POT1: variants seen among roughly 807,000 people sequenced by gnomAD.
POT1 encodes protection of telomeres 1.
POT1 carries 47 observed loss-of-function variants against 78.5 expected under a neutral mutation model. That is an observed-to-expected ratio of 0.60 (90% confidence interval 0.47 to 0.76). The LOEUF (loss-of-function observed/expected upper bound fraction) is 0.76, where lower values mean the gene tolerates loss of function less well. Among genes scored for constraint, POT1 ranks in the 30% least tolerant of loss-of-function variants. The pLI is 0.00. For missense variants in POT1, 646 were observed against 749.9 expected (o/e 0.86, Z 1.62); for synonymous variants, 259 against 260.7 (o/e 0.99, Z 0.06).
At chr7:124,900,968 T>C (rs7801755) in intron 3 of POT1, 55,060 of 188,468 alleles carry the variant, frequency 0.29, 8,436 homozygotes, top group African/African-American at 0.34. Flanking sequence ...CCACCATTGC[T>C]GAGGCTTGAC....
Position 124,870,933 on chromosome 7 carries a change from A to G in POT1, c.233T>C (p.Ile78Thr), listed in dbSNP as rs947005337. ...TACCTTCAGCCTGTGAAAGCGAACA[A>G]TATCTCCATTTTTATAAATTATTGG... ...ALPIIYKNGD[I>T]VRFHRLKIQV... Residue 78 changes from isoleucine to threonine, a missense_variant, in exon 7 of 19, where the codon ATT (isoleucine) becomes ACT (threonine). This residue lies in a region of POT1 where 252 missense variants were observed against 341.4 expected (regional missense o/e 0.74). Coordinates refer to ENST00000357628, the MANE Select transcript of POT1 (RefSeq NM_015450.3). The G allele has an allele frequency of 8.7e-6, 14 of 1,607,628 alleles. No individual in the cohort carries two copies. The highest frequency in any genetic ancestry group is 3.4e-6 in the Non-Finnish European group (4 of 1,176,764).
intron 5 of POT1, chr7:124,892,883 T>A (rs1251107485): frequency 2.0e-5 from 3 of 151,556 alleles, no homozygotes; most frequent in South Asian, 2.1e-4. Flanking sequence ...ATACTTTTTT[T>A]TAAATATGTA....
At chr7:124,875,227 G>A (rs1795961067) in intron 6 of POT1, among the ~76,000 whole-genome samples, 1 of 151,966 alleles carries the variant, frequency 6.6e-6, no homozygotes, top group African/African-American at 2.4e-5. Context: ...TTATATATCT[G>A]ACATACATTA....
intron 18 of POT1, among the ~76,000 whole-genome samples, chr7:124,824,706 A>G (rs1794587954): frequency 6.6e-6 from 1 of 152,122 alleles, no homozygotes; most frequent in African/African-American, 2.4e-5. Flanking sequence ...CAACATAAGT[A>G]CAAATATAGT....
intron 13 of POT1, among the ~76,000 whole-genome samples, chr7:124,841,762 G>A (rs1314447589): frequency 2.0e-5 from 3 of 151,898 alleles, no homozygotes; most frequent in African/African-American, 7.2e-5. Context: ...GTTAATTTCT[G>A]AGATAATATC....
At chr7:124,830,574 T>C (rs899361694) in intron 15 of POT1, among the ~76,000 whole-genome samples, 4 of 152,052 alleles carry the variant, frequency 2.6e-5, no homozygotes, top group African/African-American at 9.7e-5. Context: ...AAATTAAGGA[T>C]ATTAAGTCAA....
At chr7:124,873,536 C>T (rs189390844) in intron 6 of POT1, among the ~76,000 whole-genome samples, 20 of 152,148 alleles carry the variant, frequency 1.3e-4, no homozygotes, top group African/African-American at 4.3e-4. Context: ...TCTGTATTGG[C>T]CTGTAGTTTT....
intron 3 of POT1, among the ~76,000 whole-genome samples, chr7:124,910,262 C>A (rs1796859375): frequency 6.6e-6 from 1 of 151,774 alleles, no homozygotes; most frequent in Non-Finnish European, 1.5e-5. Context: ...ACAAAAACAA[C>A]AAAATCTTCT....
chr7:124,835,187 A>G, intron 15 of POT1, 92 bp downstream of exon 15: 1 of 1,451,020 alleles, frequency 6.9e-7, no homozygotes, highest in Admixed American at 1.8e-5. Context: ...GCACGTGTAT[A>G]CCTACGTAAC....
Position 124,837,709 on chromosome 7 carries a change from T to C in POT1, c.1370-2295A>G, listed in dbSNP as rs902226143. Among the ~76,000 whole-genome samples, 3 of 152,190 alleles carry C rather than the reference T, an allele frequency of 2.0e-5. No homozygotes were observed. The South Asian group carries it at 6.2e-4, about 32-fold the overall frequency. On this transcript the variant is annotated intron_variant, in intron 14 of 18. Transcript: ENST00000357628. ...AGTAGAGGGAATGTTTCCTAACTCT[T>C]ATGAGGCCAGCAATATTCTAATACA...
At chr7:124,903,530 T>C (rs994866556) in intron 3 of POT1, among the ~76,000 whole-genome samples, 3 of 152,144 alleles carry the variant, frequency 2.0e-5, no homozygotes, top group East Asian at 3.9e-4. Context: ...AAGCAGTGTG[T>C]AGAGGGAAAT....
rs1794533657 is a variant in POT1, at chr7:124,822,643, AT to A, written c.*1318del. On this transcript the variant is annotated 3_prime_UTR_variant, in exon 19 of 19. Coordinates refer to ENST00000357628, the MANE Select transcript of POT1 (RefSeq NM_015450.3). The stretch of plus-strand genomic sequence containing the variant: ...CTGTTCAACTGTAGGGTTTTAAAAT[AT>A]TTTTCCTGAAAATGTTTTGAACCAA... The A allele has an allele frequency of 5.1e-6, 2 of 393,588 alleles. No individual in the cohort carries two copies. The highest frequency in any genetic ancestry group is 1.1e-5 in the Non-Finnish European group (2 of 187,598). The allele number at this position is 393,588 out of a possible 1,614,324, so 24.4% of individuals were successfully genotyped here.
At chr7:124,915,552 A>G (rs546023172) in intron 3 of POT1, 22 bp downstream of exon 3, 20 of 152,282 alleles carry the variant, frequency 1.3e-4, no homozygotes, top group African/African-American at 4.3e-4. Context: ...ATAAGTAGAA[A>G]TAGTTTGCTT....
At chr7:124,896,552 CA>C (rs1330115229) in intron 5 of POT1, among the ~76,000 whole-genome samples, 1 of 151,624 alleles carries the variant, frequency 6.6e-6, no homozygotes, top group Non-Finnish European at 1.5e-5. Context: ...GGTTCAAAAA[CA>C]TAAGTAGAAC....
intron 6 of POT1, among the ~76,000 whole-genome samples, chr7:124,878,221 A>C (rs113346858): frequency 0.045 from 6,893 of 152,114 alleles, 395 homozygotes; most frequent in African/African-American, 0.13. Flanking sequence ...AATCCCAGCT[A>C]TTCAGGAGGC....
Position 124,912,395 on chromosome 7 carries a change from C to G in POT1, c.-154+3179G>C, listed in dbSNP as rs186651906. On this transcript the variant is annotated intron_variant, in intron 3 of 18. Coordinates refer to ENST00000357628, the MANE Select transcript of POT1 (RefSeq NM_015450.3). Reference sequence around the variant, plus strand: ...TACTTGCTAAGACTGTTCTAGAATACTCTTACTTTAAATATCTGAAGGATC... The same window carrying G: ...TACTTGCTAAGACTGTTCTAGAATAGTCTTACTTTAAATATCTGAAGGATC... Among the ~76,000 whole-genome samples, 11 of 152,188 alleles carry G rather than the reference C, an allele frequency of 7.2e-5. No homozygotes were observed. The East Asian group carries it at 2.1e-3, about 29-fold the overall frequency.
intron 3 of POT1, among the ~76,000 whole-genome samples, chr7:124,899,440 G>A (rs1796568035): frequency 6.6e-6 from 1 of 151,952 alleles, no homozygotes; most frequent in Non-Finnish European, 1.5e-5. Context: ...ACTCTTCATA[G>A]TTCAATGGGA....
chr7:124,860,742 C>T (rs979069234), intron 8 of POT1, among the ~76,000 whole-genome samples: 4 of 151,982 alleles, frequency 2.6e-5, no homozygotes, highest in African/African-American at 7.3e-5. Context: ...TTTCTCCTAA[C>T]GCTATCTCTC....
rs118171199 is a variant in POT1 at position 124,856,818 on chromosome 7, A to T, written c.702+2139T>A. On this transcript the variant is annotated intron_variant, in intron 9 of 18. Coordinates refer to ENST00000357628, the MANE Select transcript of POT1 (RefSeq NM_015450.3). Reference sequence around the variant, plus strand: ...TCTATGAAAAAACCTCCAGAACTGAACTTATCATATATTTAATTTTGAAAT... The same window carrying T: ...TCTATGAAAAAACCTCCAGAACTGATCTTATCATATATTTAATTTTGAAAT... Among the ~76,000 whole-genome samples, 108 of 152,318 alleles carry T rather than the reference A, an allele frequency of 7.1e-4. 2 individuals are homozygous for T. The Middle Eastern group carries it at 0.01, about 14-fold the overall frequency.
Sources: gnomAD v4.1 joint callset for allele counts (sites outside exome capture counted in the v4.1 genomes callset) on GRCh38, gnomAD v4.1.1 for gene constraint, gnomAD v4.1.1 regional missense constraint, MANE v1.5 for transcripts, NCBI Gene and HGNC (gene_info 2026-07-23, HGNC 2026-07-21) for gene names.